Variants in XPR1 observed in about 807,000 individuals in gnomAD.
The protein encoded by XPR1 is xenotropic and polytropic retrovirus receptor 1.
A neutral mutation model predicts 87.5 loss-of-function variants in XPR1; 28 were observed. The ratio of observed to expected loss-of-function variants is 0.32; its 90% CI spans 0.24 to 0.44. XPR1 has a LOEUF of 0.44. Among genes scored for constraint, XPR1 ranks in the 20% least tolerant of loss-of-function variants. The probability of loss-of-function intolerance (pLI) is 1.00; values close to 1 mark genes in which losing one functional copy is unlikely to be tolerated. For missense variants in XPR1, 559 were observed against 862.3 expected, an observed-to-expected ratio of 0.65 and a Z score of 4.41; for synonymous variants, 300 against 306.1, an observed-to-expected ratio of 0.98 and a Z score of 0.21.
intron 13 of XPR1, chr1:180,874,192 G>C: frequency 2.8e-6 from 1 of 354,898 alleles, no homozygotes; most frequent in East Asian, 4.9e-5. Context: ...ACTGTGCCCG[G>C]CCCAGAGGTT....
intron 2 of XPR1, among the ~76,000 whole-genome samples, chr1:180,732,680 G>A (rs954697656): frequency 2.6e-5 from 4 of 152,216 alleles, no homozygotes; most frequent in African/African-American, 9.6e-5. Flanking sequence ...AGGGGTAAAT[G>A]TCGACAGGTG....
At chr1:180,684,910 A>G (rs993641698) in intron 2 of XPR1, among the ~76,000 whole-genome samples, 1 of 152,208 alleles carries the variant, frequency 6.6e-6, no homozygotes, top group African/African-American at 2.4e-5. Flanking sequence ...TTTTCTAGAT[A>G]TACAATCATG....
chr1:180,829,255 A>G (rs1442673457), intron 9 of XPR1, among the ~76,000 whole-genome samples: 2 of 152,216 alleles, frequency 1.3e-5, no homozygotes, highest in East Asian at 3.8e-4. Flanking sequence ...GTAATAATTT[A>G]GTGGCTTTTT....
chr1:180,874,045 A>T, intron 13 of XPR1, 103 bp downstream of exon 13: 1 of 1,315,978 alleles, frequency 7.6e-7, no homozygotes, highest in South Asian at 1.6e-5. Flanking sequence ...GAAAACCTTT[A>T]ATTTTCCAAC....
At position 180,795,660 on chromosome 1, in the gene XPR1, A is replaced by G. The variant is rs77201837; in HGVS notation, c.224-7728A>G. Among the ~76,000 whole-genome samples the G allele has an allele frequency of 7.8e-3, 1,184 of 152,326 alleles. 4 individuals carry two copies. Among genetic ancestry groups the G allele is most frequent in the Non-Finnish European group, 0.014 (960 of 68,030 alleles). ...GTCCTAGAAGCATCATGAAAGTATT[A>G]CTGAGACACAAAGTATGCCGTGAAC... On this transcript the variant is annotated intron_variant, in intron 3 of 14. Transcript: ENST00000367590.
intron 2 of XPR1, among the ~76,000 whole-genome samples, chr1:180,689,076 T>C (rs1325996009): frequency 6.6e-6 from 1 of 152,180 alleles, no homozygotes; most frequent in East Asian, 1.9e-4. Context: ...TGGAAAAATA[T>C]GAGAATCCAA....
intron 14 of XPR1, among the ~76,000 whole-genome samples, chr1:180,882,923 C>T (rs2102229613): frequency 6.6e-6 from 1 of 151,950 alleles, no homozygotes; most frequent in South Asian, 2.1e-4. Flanking sequence ...ATCTTATCCT[C>T]ATCATCCTTA....
chr1:180,741,522 A>G (rs1658924661), intron 2 of XPR1, among the ~76,000 whole-genome samples: 1 of 151,346 alleles, frequency 6.6e-6, no homozygotes, highest in African/African-American at 2.4e-5. Flanking sequence ...GTCTCACTCT[A>G]TCACCCCGGC....
At chr1:180,843,674 T>C (rs1276174962) in intron 11 of XPR1, among the ~76,000 whole-genome samples, 1 of 151,800 alleles carries the variant, frequency 6.6e-6, no homozygotes, top group Non-Finnish European at 1.5e-5. Context: ...TTGCATCTTC[T>C]TTGTTACTTA....
chr1:180,685,414 C>G (rs190075147), intron 2 of XPR1, among the ~76,000 whole-genome samples: 60 of 152,216 alleles, frequency 3.9e-4, no homozygotes, highest in African/African-American at 1.4e-3. Flanking sequence ...ATTTTTGCAT[C>G]GATGTTCATG....
chr1:180,707,288 A>C (rs921358716), intron 2 of XPR1, among the ~76,000 whole-genome samples: 1 of 152,206 alleles, frequency 6.6e-6, no homozygotes, highest in African/African-American at 2.4e-5. Context: ...TTCATCAACC[A>C]GGTATTAAGC....
At chr1:180,816,456 C>A (rs1650415603) in intron 7 of XPR1, among the ~76,000 whole-genome samples, 1 of 152,138 alleles carries the variant, frequency 6.6e-6, no homozygotes, top group Admixed American at 6.5e-5. Context: ...AGATTGGAAA[C>A]CCCTGTACTA....
chr1:180,741,426 AAAAGGCTAGG>A (rs1658921497), intron 2 of XPR1, among the ~76,000 whole-genome samples: 1 of 152,020 alleles, frequency 6.6e-6, no homozygotes, highest in Non-Finnish European at 1.5e-5. Flanking sequence ...TCGGCCTCCC[AAAAGGCTAGG>A]ATTACAGGCA....
At chr1:180,658,878 G>A (rs116802411) in intron 1 of XPR1, among the ~76,000 whole-genome samples, 3,131 of 152,046 alleles carry the variant, frequency 0.021, 44 homozygotes, top group African/African-American at 0.024. Flanking sequence ...CGATCATATG[G>A]TTTTTATCCT....
intron 4 of XPR1, among the ~76,000 whole-genome samples, chr1:180,805,508 T>C (rs1441572699): frequency 6.6e-6 from 1 of 152,190 alleles, no homozygotes; most frequent in Admixed American, 6.5e-5. Context: ...AGCACTCCCA[T>C]ACCCAAACTG....
At chr1:180,821,985 T>G (rs1386673804) in intron 7 of XPR1, among the ~76,000 whole-genome samples, 3 of 152,190 alleles carry the variant, frequency 2.0e-5, no homozygotes, top group African/African-American at 7.2e-5. Flanking sequence ...GCATCTGTGG[T>G]CTTTGCTTAG....
At chr1:180,815,932 A>G (rs899692461) in intron 7 of XPR1, among the ~76,000 whole-genome samples, 1 of 152,224 alleles carries the variant, frequency 6.6e-6, no homozygotes, top group African/African-American at 2.4e-5. Flanking sequence ...ATACTTGTAC[A>G]TGGTTGCAAA....
chr1:180,751,054 A>G (rs1245206099), intron 2 of XPR1, among the ~76,000 whole-genome samples: 1 of 151,966 alleles, frequency 6.6e-6, no homozygotes, highest in Non-Finnish European at 1.5e-5. Context: ...TTTATTTTGC[A>G]GTCATTTATT....
At chr1:180,764,782 T>TA (rs1306229004) in intron 2 of XPR1, among the ~76,000 whole-genome samples, 145 of 60,010 alleles carry the variant, frequency 2.4e-3, no homozygotes, top group African/African-American at 0.016. Flanking sequence ...ATGGATAATT[T>TA]TTTTTCTTTT....
Sources: allele counts gnomAD v4.1 joint callset (sites outside exome capture counted in the v4.1 genomes callset), GRCh38; gene constraint gnomAD v4.1.1; transcripts MANE v1.5; gene names NCBI Gene and HGNC (gene_info 2026-07-23, HGNC 2026-07-21).